The following CERKL variants were observed in gnomAD, a reference collection of about 807,000 sequenced individuals.
The protein encoded by CERKL is CERK like autophagy regulator, also known as ceramide kinase-like protein.
CERKL carries 61 observed loss-of-function variants against 63.4 expected under a neutral mutation model. The observed-to-expected ratio is 0.96, with a 90% CI of 0.78 to 1.19. The LOEUF (loss-of-function observed/expected upper bound fraction) is 1.19. Among genes scored for constraint, CERKL ranks in the 50% most tolerant of loss-of-function variants. The probability of loss-of-function intolerance (pLI) is 0.00; values close to 1 mark genes in which losing one functional copy is unlikely to be tolerated. For synonymous variants in CERKL, 250 were observed against 230.5 expected, an observed-to-expected ratio of 1.08 and a Z score of -0.77; for missense variants, 675 against 655.5, an observed-to-expected ratio of 1.03 and a Z score of -0.33.
rs991678970 is a variant in CERKL at position 181,550,172 on chromosome 2, A to T, written c.821-464T>A. 6.6e-6 allele frequency among the ~76,000 whole-genome samples: 1 copy of T among 152,220 alleles called. No homozygotes were observed. Among genetic ancestry groups the T allele is most frequent in the Non-Finnish European group, 1.5e-5 (1 of 68,030 alleles). On this transcript the variant is annotated intron_variant, in intron 5 of 12. Coordinates refer to ENST00000410087, the MANE Select transcript of CERKL (RefSeq NM_201548.5). This position sits in a 1 kb window ranked among gnomAD's most constrained non-coding sequence, Gnocchi z 4.5. ...ATAAAATAACTACAAACTACAAAAA[A>T]TATGCTCTAAACACATTTAATGAAT...
intron 8 of CERKL, chr2:181,548,231 AAAAGGG>A (rs1379741744): frequency 1.6e-5 from 8 of 505,682 alleles, no homozygotes; most frequent in Non-Finnish European, 2.8e-5. Context: ...CACTCAAAAG[AAAAGGG>A]AAAGGGAAAA....
At chr2:181,632,375 G>A (rs1329357673) in intron 1 of CERKL, among the ~76,000 whole-genome samples, 3 of 152,132 alleles carry the variant, frequency 2.0e-5, no homozygotes, top group Non-Finnish European at 4.4e-5. Flanking sequence ...ACAAAACAAA[G>A]CCTTGTCCTT....
At chr2:181,604,286 A>G (rs1017973450) in intron 1 of CERKL, among the ~76,000 whole-genome samples, 1 of 152,164 alleles carries the variant, frequency 6.6e-6, no homozygotes, top group Non-Finnish European at 1.5e-5. Context: ...ACAAACCTGC[A>G]CGTGTACCCC....
At chr2:181,579,457 C>T (rs943259702) in intron 2 of CERKL, among the ~76,000 whole-genome samples, 2 of 151,810 alleles carry the variant, frequency 1.3e-5, no homozygotes, top group African/African-American at 4.9e-5. Flanking sequence ...ATGTCACTTG[C>T]CAATTCTTCA....
chr2:181,546,675 A>G (rs1346094469), intron 10 of CERKL, among the ~76,000 whole-genome samples: 2 of 152,346 alleles, frequency 1.3e-5, no homozygotes, highest in East Asian at 1.9e-4. Flanking sequence ...GATTCAGGAA[A>G]GAAATATTTT....
chr2:181,620,433 A>G (rs1686397894), intron 1 of CERKL, among the ~76,000 whole-genome samples: 1 of 152,178 alleles, frequency 6.6e-6, no homozygotes, highest in Admixed American at 6.5e-5. Context: ...TAGAAACACT[A>G]AAAGTCTGAC....
In CERKL at chr2:181,558,506, A is replaced by G. The variant is rs576790010; in HGVS notation, c.820+60T>C. On this transcript the variant is annotated intron_variant, in intron 5 of 12. Transcript: ENST00000410087. The surrounding 1 kb of genome is among the most constrained non-coding windows in gnomAD (Gnocchi z 4.2). ...TCTGTGTTGTGCTGTCTAGATTAGC[A>G]AGTAAGAAAGGAAAAGAGGGAGAAG... 8 of 1,562,774 alleles carry G rather than the reference A, an allele frequency of 5.1e-6. No homozygotes were observed. In the South Asian group the frequency reaches 7.8e-5, roughly 15 times the overall value.
intron 2 of CERKL, among the ~76,000 whole-genome samples, chr2:181,600,296 T>G (rs1295774544): frequency 2.0e-5 from 3 of 152,170 alleles, no homozygotes; most frequent in Non-Finnish European, 2.9e-5. Context: ...AATTACACAA[T>G]TCAAACTAGA....
At chr2:181,643,880 C>A (rs1687555135) in intron 1 of CERKL, among the ~76,000 whole-genome samples, 1 of 152,208 alleles carries the variant, frequency 6.6e-6, no homozygotes, top group Non-Finnish European at 1.5e-5. Context: ...TCACACAGGA[C>A]AGTAAACAAA....
At chr2:181,631,925 T>C (rs1390844978) in intron 1 of CERKL, among the ~76,000 whole-genome samples, 1 of 152,268 alleles carries the variant, frequency 6.6e-6, no homozygotes, top group Non-Finnish European at 1.5e-5. Context: ...AAAATACCAT[T>C]TTCAGGAAAG....
At position 181,548,826 on chromosome 2, in the gene CERKL, G is replaced by A. The variant is rs1485978998; in HGVS notation, c.927C>T (p.Phe309=). ...AGCGAAGAAGCTTGCCAGCGGTGCT[G>A]AAGGTGCAGACGTCGACCAGCTGTA... ...GHVQLVDVCT[F]STAGKLLRFG... Residue 309 remains phenylalanine, a synonymous_variant, in exon 7 of 13, where the codon TTC becomes TTT. Transcript: ENST00000410087. 6 of 1,613,912 alleles carry A rather than the reference G, an allele frequency of 3.7e-6. No individual in the cohort carries two copies. The highest frequency in any genetic ancestry group is 5.1e-6 in the Non-Finnish European group (6 of 1,179,950).
At chr2:181,586,700 G>C (rs1479358122) in intron 2 of CERKL, among the ~76,000 whole-genome samples, 4 of 152,160 alleles carry the variant, frequency 2.6e-5, no homozygotes, top group Non-Finnish European at 5.9e-5. Flanking sequence ...GGTAACAAAT[G>C]TGCTAATATA....
intron 2 of CERKL, among the ~76,000 whole-genome samples, chr2:181,598,896 C>G (rs180684822): frequency 6.6e-6 from 1 of 151,926 alleles, no homozygotes; most frequent in African/African-American, 2.4e-5. Context: ...GTTTAAGTCC[C>G]GCCCAACCAA....
At position 181,619,408 on chromosome 2, in the gene CERKL, G is replaced by A. The variant is rs186317313; in HGVS notation, c.239-15329C>T. On this transcript the variant is annotated intron_variant, in intron 1 of 12. Transcript: ENST00000410087. ...ATATATATCATACCAGATGATCTTT[G>A]CACCAATTCCTCCTGAGCCTCAGAT... Among the ~76,000 whole-genome samples, 9 of 150,170 alleles carry A rather than the reference G, an allele frequency of 6.0e-5. No individual in the cohort carries two copies. In the East Asian group the frequency reaches 1.8e-3, roughly 29 times the overall value.
intron 1 of CERKL, among the ~76,000 whole-genome samples, chr2:181,651,913 T>TTAA (rs1553524757): frequency 8.1e-5 from 12 of 148,670 alleles, no homozygotes; most frequent in Middle Eastern, 3.4e-3. Flanking sequence ...AGTACTTTTT[T>TTAA]AAAAAAAAAG....
chr2:181,642,236 G>T (rs574559457), intron 1 of CERKL, among the ~76,000 whole-genome samples: 1 of 152,252 alleles, frequency 6.6e-6, no homozygotes, highest in Admixed American at 6.5e-5. Context: ...TCATATTGGG[G>T]TTTAACCCCT....
chr2:181,537,058 G>A lies in CERKL; in HGVS notation c.*1126C>T, dbSNP rs199585486. The A allele has an allele frequency of 4.3e-5, 19 of 444,542 alleles. No homozygotes were observed. Among genetic ancestry groups the A allele is most frequent in the Non-Finnish European group, 7.7e-5 (17 of 221,738 alleles). 27.5% of individuals were successfully genotyped at this position (444,542 alleles called of 1,614,324 possible). On this transcript the variant is annotated 3_prime_UTR_variant, in exon 13 of 13. Transcript: ENST00000410087. ...AAGGCATTTGAGTAGTGAAATGTAAGCACAAAACCTCCTGAACCCAGAGTG... is the reference window on the plus strand; with the variant it reads ...AAGGCATTTGAGTAGTGAAATGTAAACACAAAACCTCCTGAACCCAGAGTG...
At position 181,537,231 on chromosome 2, in the gene CERKL, G is replaced by T. The variant is rs1350028947; in HGVS notation, c.*953C>A. ...ATTTAGAACTGTCTTCTCCAGGATG[G>T]TCTCTAAGGAAATTTACATTTGGTT... is the stretch of plus-strand genomic sequence containing the variant. On this transcript the variant is annotated 3_prime_UTR_variant, in exon 13 of 13. Transcript: ENST00000410087. The T allele has an allele frequency of 2.6e-5, 12 of 452,924 alleles. No homozygotes were observed. Among genetic ancestry groups the T allele is most frequent in the South Asian group, 1.1e-4 (7 of 64,470 alleles). 28.1% of individuals were successfully genotyped at this position (452,924 alleles called of 1,614,324 possible).
At chr2:181,604,942 T>C (rs1243933026) in intron 1 of CERKL, among the ~76,000 whole-genome samples, 1 of 152,136 alleles carries the variant, frequency 6.6e-6, no homozygotes, top group African/African-American at 2.4e-5. Flanking sequence ...GAAAAGACCA[T>C]TTCAATTGAC....
Sources: allele counts gnomAD v4.1 joint callset (sites outside exome capture counted in the v4.1 genomes callset), GRCh38; gene constraint gnomAD v4.1.1; non-coding constraint Gnocchi (gnomAD v3.1); transcripts MANE v1.5; gene names NCBI Gene and HGNC (gene_info 2026-07-23, HGNC 2026-07-21).